The following FIP1L1 variants were observed in gnomAD, a reference collection of about 807,000 sequenced individuals.
The protein encoded by FIP1L1 is pre-mRNA 3'-end-processing factor FIP1.
A neutral mutation model predicts 84.6 loss-of-function variants in FIP1L1; 21 were observed. The observed-to-expected ratio is 0.25, with a 90% CI of 0.18 to 0.36. FIP1L1 has a LOEUF of 0.36. Among genes scored for constraint, FIP1L1 ranks in the 10% least tolerant of loss-of-function variants. The probability of loss-of-function intolerance (pLI) is 1.00; values close to 1 mark genes in which losing one functional copy is unlikely to be tolerated. For missense variants in FIP1L1, 526 were observed against 751.1 expected (o/e 0.70, Z 3.50); for synonymous variants, 263 against 242.3 (o/e 1.09, Z -0.80).
intron 4 of FIP1L1, 111 bp from the exon 5 acceptor site, chr4:53,383,662 A>G: frequency 9.4e-7 from 1 of 1,063,482 alleles, no homozygotes; most frequent in Non-Finnish European, 1.3e-6. Context: ...AGTCTGTCTC[A>G]AGACAGAAGA....
At chr4:53,401,472 G>A (rs1441002763) in intron 10 of FIP1L1, among the ~76,000 whole-genome samples, 1 of 152,214 alleles carries the variant, frequency 6.6e-6, no homozygotes, top group Non-Finnish European at 1.5e-5. Flanking sequence ...TGAAAACAGG[G>A]AGGCCAGTTA....
chr4:53,378,848 C>T, intron 1 of FIP1L1: 1 of 546,942 alleles, frequency 1.8e-6, no homozygotes, highest in Non-Finnish European at 3.2e-6. Context: ...GATGATGTGA[C>T]TTTGATAAAC....
rs563302087 is a variant in FIP1L1, at chr4:53,398,050, T to G, written c.706-1680T>G. ...TCTTTTTGTGTTATTATAACATCTT[T>G]TATCCTTTAGATTTTTTTCATAATA... On this transcript the variant is annotated intron_variant, in intron 9 of 17. Transcript: ENST00000337488. 7.2e-5 allele frequency among the ~76,000 whole-genome samples: 11 copies of G among 152,328 alleles called. No homozygotes were observed. In the South Asian group the frequency reaches 2.3e-3, roughly 32 times the overall value.
chr4:53,432,290 T>TA (rs2150075484), intron 13 of FIP1L1, among the ~76,000 whole-genome samples: 1 of 148,084 alleles, frequency 6.8e-6, no homozygotes, highest in South Asian at 2.1e-4. Context: ...CCTGGCTACT[T>TA]AGGAGGCTGA....
At chr4:53,440,309 C>T (rs758647830) in intron 13 of FIP1L1, among the ~76,000 whole-genome samples, 4 of 151,900 alleles carry the variant, frequency 2.6e-5, no homozygotes, top group Non-Finnish European at 5.9e-5. Flanking sequence ...ATTGTGTGTG[C>T]ATAAGTGTGC....
At chr4:53,440,851 T>C in intron 13 of FIP1L1, 1 of 448,542 alleles carries the variant, frequency 2.2e-6, no homozygotes, top group East Asian at 4.1e-5. Context: ...CCTATTCAAT[T>C]TGTGAAGAAA....
intron 12 of FIP1L1, 46 bp from the exon 13 acceptor site, chr4:53,427,981 A>G: frequency 7.1e-7 from 1 of 1,404,300 alleles, no homozygotes; most frequent in Non-Finnish European, 9.8e-7. Flanking sequence ...GATTAATCTT[A>G]CATAATATTT....
At chr4:53,378,918 G>GA in intron 1 of FIP1L1, 155 bp from the exon 2 acceptor site, 1 of 731,882 alleles carries the variant, frequency 1.4e-6, no homozygotes, top group Non-Finnish European at 2.2e-6. Context: ...TTTGAAATGT[G>GA]AATGTGTAGG....
chr4:53,433,522 T>G (rs1767668883), intron 13 of FIP1L1, among the ~76,000 whole-genome samples: 1 of 152,194 alleles, frequency 6.6e-6, no homozygotes. Flanking sequence ...TGTTCATTTT[T>G]TTTTTTGTAG....
At chr4:53,454,229 T>C (rs183033144) in intron 16 of FIP1L1, among the ~76,000 whole-genome samples, 1 of 152,328 alleles carries the variant, frequency 6.6e-6, no homozygotes, top group East Asian at 1.9e-4. Flanking sequence ...CAAACACCAT[T>C]GTGTTAAAAT....
chr4:53,459,039 A>G (rs1396015254), intron 17 of FIP1L1, among the ~76,000 whole-genome samples: 2 of 152,124 alleles, frequency 1.3e-5, no homozygotes, highest in Admixed American at 6.6e-5. Flanking sequence ...TTGTTACTGT[A>G]TATTATAATA....
intron 10 of FIP1L1, among the ~76,000 whole-genome samples, chr4:53,404,549 A>G (rs1413854959): frequency 2.0e-5 from 3 of 151,842 alleles, no homozygotes; most frequent in East Asian, 3.9e-4. Flanking sequence ...GCTGGGTCAA[A>G]TGGTATTTCT....
chr4:53,442,446 G>C, intron 13 of FIP1L1: 1 of 516,096 alleles, frequency 1.9e-6, no homozygotes. Flanking sequence ...TGTTTTCTGT[G>C]TATTAGACCA....
At chr4:53,435,874 T>TA (rs1468318623) in intron 13 of FIP1L1, among the ~76,000 whole-genome samples, 4 of 152,182 alleles carry the variant, frequency 2.6e-5, no homozygotes, top group Non-Finnish European at 5.9e-5. Flanking sequence ...AAAATCCTGA[T>TA]ACATAGAAAC....
chr4:53,413,342 C>A (rs1447149886), intron 10 of FIP1L1, among the ~76,000 whole-genome samples: 1 of 151,924 alleles, frequency 6.6e-6, no homozygotes, highest in African/African-American at 2.4e-5. Flanking sequence ...ACTAGGGCAT[C>A]CTTATTTCCA....
chr4:53,416,560 G>T (rs1469758706), intron 11 of FIP1L1, among the ~76,000 whole-genome samples: 3 of 152,166 alleles, frequency 2.0e-5, no homozygotes, highest in African/African-American at 7.2e-5. Context: ...CAGAGAATTT[G>T]CCCAAATTCA....
At chr4:53,418,842 G>A (rs554490234) in intron 11 of FIP1L1, among the ~76,000 whole-genome samples, 1 of 152,240 alleles carries the variant, frequency 6.6e-6, no homozygotes, top group African/African-American at 2.4e-5. Flanking sequence ...AAAACTGGAC[G>A]TTAAATGAAT....
At chr4:53,409,459 T>C (rs983636736) in intron 10 of FIP1L1, among the ~76,000 whole-genome samples, 4 of 152,204 alleles carry the variant, frequency 2.6e-5, no homozygotes, top group African/African-American at 7.2e-5. Flanking sequence ...AGGGACCCAC[T>C]TGAGGAGGCA....
chr4:53,422,726 T>A lies in FIP1L1; in HGVS notation c.924-3146T>A, dbSNP rs553590969. Among the ~76,000 whole-genome samples, 250 of 151,690 alleles carry A rather than the reference T, an allele frequency of 1.6e-3. 1 individual carries two copies. In the Middle Eastern group the frequency reaches 0.038, roughly 23 times the overall value. ...TATATATATGTATATATATATATTT[T>A]TTTTTTGAGACAGGCTCTTGTTTTG... is the stretch of plus-strand genomic sequence containing the variant. On this transcript the variant is annotated intron_variant, in intron 11 of 17. Coordinates refer to ENST00000337488, the MANE Select transcript of FIP1L1 (RefSeq NM_030917.4).
Sources: allele counts gnomAD v4.1 joint callset (sites outside exome capture counted in the v4.1 genomes callset), GRCh38; gene constraint gnomAD v4.1.1; transcripts MANE v1.5; gene names NCBI Gene and HGNC (gene_info 2026-07-23, HGNC 2026-07-21).